Variants in ALK observed in about 807,000 individuals in gnomAD.
The protein encoded by ALK is ALK tyrosine kinase receptor.
In ALK, 74 loss-of-function variants were observed where a neutral mutation model predicts 163.1. That is an observed-to-expected ratio of 0.45 (90% CI 0.38 to 0.55). The LOEUF is 0.55. ALK is among the 20% of genes least tolerant of loss of function. The pLI, the probability that ALK is intolerant of heterozygous loss-of-function variation, is 0.00. For missense variants in ALK, 2,063 were observed against 2,105.3 expected (o/e 0.98, Z 0.39); for synonymous variants, 960 against 843.2 (o/e 1.14, Z -2.40).
At chr2:29,293,842 T>TATATA (rs1365039639) in intron 9 of ALK, among the ~76,000 whole-genome samples, 1 of 7,450 alleles carries the variant, frequency 1.3e-4, no homozygotes, top group Non-Finnish European at 2.2e-3. Flanking sequence ...AATGGTCAGA[T>TATATA]TTCCAATACC....
intron 3 of ALK, among the ~76,000 whole-genome samples, chr2:29,625,382 C>T (rs1676162929): frequency 6.6e-6 from 1 of 152,118 alleles, no homozygotes; most frequent in South Asian, 2.1e-4. Flanking sequence ...GCGCATTTTC[C>T]CAAAAGCTTT....
At chr2:29,706,989 G>GTC (rs1467992803) in intron 2 of ALK, among the ~76,000 whole-genome samples, 1 of 140,850 alleles carries the variant, frequency 7.1e-6, no homozygotes, top group African/African-American at 2.9e-5. Flanking sequence ...GTGTGTGTGT[G>GTC]TGTGTGTGTG....
chr2:29,447,290 T>G (rs1670708828), intron 4 of ALK, among the ~76,000 whole-genome samples: 1 of 152,184 alleles, frequency 6.6e-6, no homozygotes. Flanking sequence ...CTTGCAGAAA[T>G]CTCTCTGGCA....
chr2:29,719,340 A>T (rs1679360385), intron 1 of ALK, among the ~76,000 whole-genome samples: 1 of 152,242 alleles, frequency 6.6e-6, no homozygotes, highest in African/African-American at 2.4e-5. Flanking sequence ...GCATTTCTGC[A>T]AAACAGCTCA....
intron 3 of ALK, among the ~76,000 whole-genome samples, chr2:29,680,745 ATTAT>A (rs929643803): frequency 2.6e-5 from 4 of 152,174 alleles, no homozygotes; most frequent in African/African-American, 7.2e-5. Context: ...GTCACATTGT[ATTAT>A]TTCTTTGTAT....
intron 2 of ALK, among the ~76,000 whole-genome samples, chr2:29,703,998 A>G (rs977311614): frequency 6.6e-6 from 1 of 152,182 alleles, no homozygotes; most frequent in African/African-American, 2.4e-5. Context: ...ACCAGCTGTC[A>G]TGCATCCTCA....
chr2:29,713,086 T>C (rs752638559), intron 2 of ALK, among the ~76,000 whole-genome samples: 10 of 152,194 alleles, frequency 6.6e-5, no homozygotes, highest in African/African-American at 1.2e-4. Context: ...GCCTTCCTCT[T>C]AGCTCCCAAT....
intron 3 of ALK, among the ~76,000 whole-genome samples, chr2:29,615,993 T>TGGGCCC (rs1409784726): frequency 1.3e-5 from 2 of 152,244 alleles, no homozygotes; most frequent in Non-Finnish European, 2.9e-5. Flanking sequence ...GGCCAGGGCC[T>TGGGCCC]GGGCCCCTCC....
At chr2:29,554,570 ATT>A (rs1673796801) in intron 3 of ALK, among the ~76,000 whole-genome samples, 1 of 152,194 alleles carries the variant, frequency 6.6e-6, no homozygotes, top group South Asian at 2.1e-4. Flanking sequence ...GCTGTTCTGG[ATT>A]TGGAAAAGGG....
At chr2:29,814,938 C>T (rs1257051439) in intron 1 of ALK, among the ~76,000 whole-genome samples, 1 of 150,590 alleles carries the variant, frequency 6.6e-6, no homozygotes. Context: ...TTTAGAATCA[C>T]AGAATGCCAG....
chr2:29,307,448 C>T (rs1206789702), intron 8 of ALK, among the ~76,000 whole-genome samples: 1 of 152,180 alleles, frequency 6.6e-6, no homozygotes, highest in Non-Finnish European at 1.5e-5. Context: ...GGTGGGGGTA[C>T]TCCCTGGGTA....
intron 1 of ALK, among the ~76,000 whole-genome samples, chr2:29,843,622 T>C (rs1187707437): frequency 6.6e-6 from 1 of 152,178 alleles, no homozygotes; most frequent in Admixed American, 6.5e-5. Context: ...ATTTCTATTG[T>C]AGAACCCTGG....
intron 4 of ALK, among the ~76,000 whole-genome samples, chr2:29,422,473 A>T (rs1170724369): frequency 1.4e-5 from 2 of 147,170 alleles, no homozygotes; most frequent in Non-Finnish European, 2.9e-5. Context: ...TAATGGCAAA[A>T]GCCACAATTA....
chr2:29,643,899 T>G (rs1573523001), intron 3 of ALK, among the ~76,000 whole-genome samples: 1 of 152,070 alleles, frequency 6.6e-6, no homozygotes, highest in East Asian at 1.9e-4. Context: ...CATTACTGGG[T>G]ATATACCTGA....
intron 9 of ALK, among the ~76,000 whole-genome samples, chr2:29,281,711 C>A (rs1299245493): frequency 6.6e-6 from 1 of 152,206 alleles, no homozygotes; most frequent in African/African-American, 2.4e-5. Flanking sequence ...CTTTTGAAAA[C>A]AGACTCAGCG....
chr2:29,666,152 T>C (rs1276399637), intron 3 of ALK, among the ~76,000 whole-genome samples: 1 of 152,166 alleles, frequency 6.6e-6, no homozygotes. Context: ...GTTAGTCTAC[T>C]CATCAAAAAA....
At chr2:29,732,224 A>C (rs1558463881) in intron 1 of ALK, among the ~76,000 whole-genome samples, 1 of 152,244 alleles carries the variant, frequency 6.6e-6, no homozygotes, top group South Asian at 2.1e-4. Context: ...TTTATTACAT[A>C]TCATGTAATT....
At chr2:29,593,378 C>A (rs1469847053) in intron 3 of ALK, among the ~76,000 whole-genome samples, 1 of 152,166 alleles carries the variant, frequency 6.6e-6, no homozygotes, top group Non-Finnish European at 1.5e-5. Context: ...GGATTTCTCA[C>A]CCTAGGACGT....
rs115175303 is a variant in ALK, at chr2:29,556,178, C to T, written c.953-24062G>A. Among the ~76,000 whole-genome samples the T allele has an allele frequency of 6.8e-3, 1,036 of 152,288 alleles. 17 individuals are homozygous for T. Among genetic ancestry groups the T allele is most frequent in the Non-Finnish European group, 6.7e-3 (458 of 68,010 alleles). On this transcript the variant is annotated intron_variant, in intron 3 of 28. Transcript: ENST00000389048. Reference sequence around the variant, plus strand: ...CGCAGCCTAGGGGGTTATTTCCCCACTGTTCAGAGCTCTGACCACCTATGC... The same window carrying T: ...CGCAGCCTAGGGGGTTATTTCCCCATTGTTCAGAGCTCTGACCACCTATGC...
Sources: gnomAD v4.1 joint callset for allele counts (sites outside exome capture counted in the v4.1 genomes callset) on GRCh38, gnomAD v4.1.1 for gene constraint, MANE v1.5 for transcripts, NCBI Gene and HGNC (gene_info 2026-07-23, HGNC 2026-07-21) for gene names.